Variants in ARHGEF40 observed in about 807,000 individuals in gnomAD.
ARHGEF40 encodes Rho guanine nucleotide exchange factor (GEF) 40.
ARHGEF40 carries 98 observed loss-of-function variants against 165.9 expected under a neutral mutation model. That is an observed-to-expected ratio of 0.59 (90% CI 0.50 to 0.70). ARHGEF40 has a LOEUF of 0.70. ARHGEF40 is among the 30% of genes least tolerant of loss of function. The pLI is 0.00. For synonymous variants in ARHGEF40, 792 were observed against 814.3 expected, an observed-to-expected ratio of 0.97 and a Z score of 0.47; for missense variants, 1,815 against 1,968.0, an observed-to-expected ratio of 0.92 and a Z score of 1.47.
Position 21,081,898 on chromosome 14 carries a change from C to G in ARHGEF40, c.3030C>G (p.Ala1010=), listed in dbSNP as rs777346474. Reference sequence around the variant, plus strand: ...CAGCCCCATCCCATTGCTCCCTGGCCCCATGTGGAGAGGACTATGAGGAAG... The same window carrying G: ...CAGCCCCATCCCATTGCTCCCTGGCGCCATGTGGAGAGGACTATGAGGAAG... ...PRPAPSHCSL[A]PCGEDYEEEG... The change falls in exon 14 of 24, where the codon GCC becomes GCG. Residue 1010 remains alanine, a synonymous_variant. Transcript: ENST00000298694. 8 of 1,613,332 alleles carry G rather than the reference C, an allele frequency of 5.0e-6. No individual in the cohort carries two copies. The highest frequency in any genetic ancestry group is 5.9e-6 in the Non-Finnish European group (7 of 1,179,888).
chr14:21,081,043 GCC>G, intron 13 of ARHGEF40, 27 bp downstream of exon 13: 1 of 1,596,256 alleles, frequency 6.3e-7, no homozygotes, highest in South Asian at 1.1e-5. Flanking sequence ...TTCCTTCTGT[GCC>G]CCCCCATTTC....
chr14:21,087,106 G>A lies in ARHGEF40; in HGVS notation c.4243+1G>A. 6.2e-7 allele frequency: 1 copy of A among 1,607,750 alleles called. No homozygotes were observed. The highest frequency in any genetic ancestry group is 8.5e-7 in the Non-Finnish European group (1 of 1,176,914). ...CTGAGTGCCCTGCTCACTGGAAGAGGTGAGGGCCAGGGTGCTGGGGGGTGG... is the reference window on the plus strand; with the variant it reads ...CTGAGTGCCCTGCTCACTGGAAGAGATGAGGGCCAGGGTGCTGGGGGGTGG... On this transcript the variant is annotated splice_donor_variant, in intron 20 of 23. Transcript: ENST00000298694. LOFTEE classifies it high-confidence loss of function.
At position 21,074,929 on chromosome 14, in the gene ARHGEF40, T is replaced by G; in HGVS notation, c.1199T>G (p.Leu400Arg). 6.2e-7 allele frequency: 1 copy of G among 1,607,534 alleles called. No individual in the cohort carries two copies. Among genetic ancestry groups the G allele is most frequent in the Non-Finnish European group, 8.5e-7 (1 of 1,177,376 alleles). The stretch of plus-strand genomic sequence containing the variant: ...AGCCGAGGAGGGGACAGTGCCCCAC[T>G]GAGCCCTGGGGACAAGGAAGATGCC... ...ALSRGGDSAP[L>R]SPGDKEDASH... Residue 400 changes from leucine to arginine, a missense_variant, in exon 3 of 24, where the codon CTG becomes CGG. Leu to Arg is a moderately radical substitution (Grantham distance 102). Transcript: ENST00000298694. This position sits in a 1 kb window ranked among gnomAD's most constrained non-coding sequence, Gnocchi z 4.8.
In ARHGEF40 at chr14:21,080,885, C is replaced by T; in HGVS notation, c.2509C>T (p.Gln837Ter). Reference sequence around the variant, plus strand: ...CTCCCTTCTCCAGGAGCGCCTGGCCCAGGCACGGGAGGCCCTGGCTCTGGA... The same window carrying T: ...CTCCCTTCTCCAGGAGCGCCTGGCCTAGGCACGGGAGGCCCTGGCTCTGGA... ...FSAEVQERLA[Q>*]AREALALEEN... The change falls in exon 13 of 24, where the codon CAG becomes TAG. Residue 837 changes from glutamine (Q) to a stop codon, truncating the protein, a stop_gained. Transcript: ENST00000298694. LOFTEE classifies it high-confidence loss of function. 1 of 1,613,882 alleles carries T rather than the reference C, an allele frequency of 6.2e-7. No homozygotes were observed. Among genetic ancestry groups the T allele is most frequent in the Non-Finnish European group, 8.5e-7 (1 of 1,179,866 alleles).
intron 11 of ARHGEF40, among the ~76,000 whole-genome samples, chr14:21,080,231 CACACACACACACACACA>C (rs1566530608): frequency 1.4e-5 from 2 of 142,706 alleles, no homozygotes; most frequent in Non-Finnish European, 3.1e-5. Flanking sequence ...CACACACACA[CACACACACACACACACA>C]CCCCTTCTGT....
At position 21,090,049 on chromosome 14, in the gene ARHGEF40, G is replaced by A. The variant is rs906287771; in HGVS notation, c.*1041G>A. 1.7e-5 allele frequency: 5 copies of A among 294,052 alleles called. No homozygotes were observed. Among genetic ancestry groups the A allele is most frequent in the Admixed American group, 1.7e-4 (4 of 24,044 alleles). The allele number at this position is 294,052 out of a possible 1,614,324, so 18.2% of individuals were successfully genotyped here. A position where few individuals can be genotyped will look rare whatever the true frequency, so the allele number is the denominator to read the frequency against. On this transcript the variant is annotated 3_prime_UTR_variant, in exon 24 of 24. Coordinates refer to ENST00000298694, the MANE Select transcript of ARHGEF40 (RefSeq NM_018071.5). This position sits in a 1 kb window ranked among gnomAD's most constrained non-coding sequence, Gnocchi z 4.4. Reference sequence around the variant, plus strand: ...CAGAAGGACCCAAAGAGGGAAGCAGGACATAGGTAGGCAGACAGACACAGG... The same window carrying A: ...CAGAAGGACCCAAAGAGGGAAGCAGAACATAGGTAGGCAGACAGACACAGG...
Position 21,083,947 on chromosome 14 carries a change from T to C in ARHGEF40, c.3686T>C (p.Leu1229Pro). Residue 1229 changes from leucine to proline, a missense_variant, in exon 17 of 24, where the codon CTC (leucine) becomes CCC (proline). Transcript: ENST00000298694. ...CTCCTGAGGGAAGCTGGGCCTGAGCTCAGTTCTGAGTGCCGGGCCCTTGGG... is the reference window on the plus strand; with the variant it reads ...CTCCTGAGGGAAGCTGGGCCTGAGCCCAGTTCTGAGTGCCGGGCCCTTGGG... ...EELLREAGPE[L>P]SSECRALGAA... 2 of 1,614,026 alleles carry C rather than the reference T, an allele frequency of 1.2e-6. No homozygotes were observed. Among genetic ancestry groups the C allele is most frequent in the Non-Finnish European group, 1.7e-6 (2 of 1,180,002 alleles).
rs1886602144 is a variant in ARHGEF40, at chr14:21,070,322, G to A, written c.-75G>A. On this transcript the variant is annotated 5_prime_UTR_variant, in exon 1 of 24. Coordinates refer to ENST00000298694, the MANE Select transcript of ARHGEF40 (RefSeq NM_018071.5). This position sits in a 1 kb window ranked among gnomAD's most constrained non-coding sequence, Gnocchi z 4.7. Reference sequence around the variant, plus strand: ...CTTAGCCAGACCCGGCGAGACACGAGCGGCGGGAGGGAGGCGGTGGCGCGC... The same window carrying A: ...CTTAGCCAGACCCGGCGAGACACGAACGGCGGGAGGGAGGCGGTGGCGCGC... 1 of 1,385,862 alleles carries A rather than the reference G, an allele frequency of 7.2e-7. No individual in the cohort carries two copies. The highest frequency in any genetic ancestry group is 3.2e-5 in the East Asian group (1 of 31,604). 85.8% of individuals were successfully genotyped at this position (1,385,862 alleles called of 1,614,324 possible).
At chr14:21,062,884 C>G in the ARHGEF40 span, among the ~76,000 whole-genome samples, 2 of 147,314 alleles carry the variant, frequency 1.4e-5, no homozygotes, top group Non-Finnish European at 3.0e-5. Flanking sequence ...GAGGCTGAGG[C>G]AGGAGGATCA....
At position 21,074,042 on chromosome 14, in the gene ARHGEF40, C is replaced by G; in HGVS notation, c.312C>G (p.Asp104Glu). 2 of 1,614,118 alleles carry G rather than the reference C, an allele frequency of 1.2e-6. No homozygotes were observed. The highest frequency in any genetic ancestry group is 1.7e-6 in the Non-Finnish European group (2 of 1,180,020). ...ALPWQLLRPGDFYLQVVPSAA... is the reference protein window; with the variant it reads ...ALPWQLLRPGEFYLQVVPSAA... The stretch of plus-strand genomic sequence containing the variant: ...CCTGGCAACTGCTGCGCCCAGGAGA[C>G]TTCTATCTGCAGGTGGTGCCCTCAG... The change falls in exon 3 of 24, where the codon GAC becomes GAG. Residue 104 changes from aspartate (D) to glutamate (E), a missense_variant. By Grantham distance (45) the Asp-to-Glu change is conservative (BLOSUM62 2). Transcript: ENST00000298694. This position sits in a 1 kb window ranked among gnomAD's most constrained non-coding sequence, Gnocchi z 4.8.
In ARHGEF40 at chr14:21,081,612, G is replaced by C. The variant is rs750373077; in HGVS notation, c.2744G>C (p.Ser915Thr). The C allele has an allele frequency of 1.2e-6, 2 of 1,610,954 alleles. No individual in the cohort carries two copies. The highest frequency in any genetic ancestry group is 1.7e-6 in the Non-Finnish European group (2 of 1,179,136). ...GCCCTGCGGCGGGCCCCAGAGCCCA[G>C]TGCCGGCACCTTCCAGGAGATGCGG... is the stretch of plus-strand genomic sequence containing the variant. The part of the protein sequence containing the change: ...ALALRRAPEP[S>T]AGTFQEMRAL... Residue 915 changes from serine to threonine, a missense_variant, in exon 14 of 24, where the codon AGT (serine) becomes ACT (threonine). Ser to Thr is a moderately conservative substitution (Grantham distance 58). Transcript: ENST00000298694.
chr14:21,076,984 G>C (rs1566527243), intron 8 of ARHGEF40, 94 bp downstream of exon 8: 6 of 1,097,290 alleles, frequency 5.5e-6, no homozygotes, highest in Non-Finnish European at 6.7e-6. Context: ...GACATACCAT[G>C]AGGTTGCAAA....
At chr14:21,066,165 C>T (rs1398572235), upstream of ARHGEF40, among the ~76,000 whole-genome samples, 1 of 152,068 alleles carries the variant, frequency 6.6e-6, no homozygotes, top group African/African-American at 2.4e-5. Flanking sequence ...TGCAGGGTCA[C>T]TAGTGGCTTA....
rs769845058 is a variant in ARHGEF40 at position 21,070,899 on chromosome 14, G to A, written c.3+500G>A. 1.3e-6 allele frequency: 2 copies of A among 1,530,704 alleles called. No homozygotes were observed. Among genetic ancestry groups the A allele is most frequent in the East Asian group, 2.4e-5 (1 of 40,850 alleles). 94.8% of individuals were successfully genotyped at this position (1,530,704 alleles called of 1,614,324 possible). ...CAGGCCCACCCATCCGGCCCTAGGGGACTGGCCACAGCTGTGGCTGGGCCG... is the reference window on the plus strand; with the variant it reads ...CAGGCCCACCCATCCGGCCCTAGGGAACTGGCCACAGCTGTGGCTGGGCCG... On this transcript the variant is annotated intron_variant, in intron 1 of 23. Coordinates refer to ENST00000298694, the MANE Select transcript of ARHGEF40 (RefSeq NM_018071.5). This position sits in a 1 kb window ranked among gnomAD's most constrained non-coding sequence, Gnocchi z 4.7.
At chr14:21,076,995 A>G in intron 8 of ARHGEF40, 105 bp downstream of exon 8, 1 of 954,944 alleles carries the variant, frequency 1.0e-6, no homozygotes, top group Non-Finnish European at 1.6e-6. Context: ...AGGTTGCAAA[A>G]AAGTGGTTTC....
At chr14:21,087,719 T>C (rs1182756022) in intron 21 of ARHGEF40, 2 of 686,650 alleles carry the variant, frequency 2.9e-6, no homozygotes, top group Non-Finnish European at 4.8e-6. Context: ...TGCCTCAGCT[T>C]CCTGTTGTAC....
chr14:21,062,307 G>A, the ARHGEF40 span, among the ~76,000 whole-genome samples: 1 of 152,188 alleles, frequency 6.6e-6, no homozygotes. Context: ...TATGTTTGTT[G>A]ATTTTGCTGG....
upstream of ARHGEF40, among the ~76,000 whole-genome samples, chr14:21,067,761 T>TACACACACACACACACACAC (rs3061993): frequency 8.7e-5 from 13 of 150,126 alleles, no homozygotes; most frequent in African/African-American, 3.2e-4. Context: ...TGTACACACG[T>TACACACACACACACACACAC]ACACACACAC....
In ARHGEF40 at chr14:21,070,705, C is replaced by A. The variant is rs1408623830; in HGVS notation, c.3+306C>A. 1.7e-6 allele frequency: 2 copies of A among 1,164,476 alleles called. No individual in the cohort carries two copies. Among genetic ancestry groups the A allele is most frequent in the South Asian group, 1.4e-5 (1 of 72,700 alleles). The allele number at this position is 1,164,476 out of a possible 1,614,324, so 72.1% of individuals were successfully genotyped here. A position where few individuals can be genotyped will look rare whatever the true frequency, so the allele number is the denominator to read the frequency against. On this transcript the variant is annotated intron_variant, in intron 1 of 23. Coordinates refer to ENST00000298694, the MANE Select transcript of ARHGEF40 (RefSeq NM_018071.5). This position sits in a 1 kb window ranked among gnomAD's most constrained non-coding sequence, Gnocchi z 4.7. ...CCGCCCTCCTCTGTCCTGACCTGTG[C>A]CTTCCTTTCCTGGAGCTTCCCTCCC...
Sources: gnomAD v4.1 joint callset for allele counts (sites outside exome capture counted in the v4.1 genomes callset) on GRCh38, gnomAD v4.1.1 for gene constraint, Gnocchi (gnomAD v3.1) non-coding constraint, MANE v1.5 for transcripts, NCBI Gene and HGNC (gene_info 2026-07-23, HGNC 2026-07-21) for gene names.